The following ZSCAN22 variants were observed in gnomAD, a reference collection of about 807,000 sequenced individuals.
ZSCAN22 encodes the protein zinc finger and SCAN domain-containing protein 22.
Under a neutral mutation model 12.4 loss-of-function variants are expected in ZSCAN22, and 7 were observed. That is an observed-to-expected ratio of 0.57 (90% CI 0.32 to 1.06). The LOEUF is 1.06. Among genes scored for constraint, ZSCAN22 ranks in the 50% least tolerant of loss-of-function variants. The probability of loss-of-function intolerance (pLI) is 0.04; values close to 1 mark genes in which losing one functional copy is unlikely to be tolerated. For missense variants in ZSCAN22, 576 were observed against 631.7 expected, an observed-to-expected ratio of 0.91 and a Z score of 0.94; for synonymous variants, 243 against 255.9, an observed-to-expected ratio of 0.95 and a Z score of 0.48.
At chr19:58,336,179 T>TA (rs1051652724) in intron 2 of ZSCAN22, among the ~76,000 whole-genome samples, 4 of 152,136 alleles carry the variant, frequency 2.6e-5, no homozygotes, top group Non-Finnish European at 5.9e-5. Flanking sequence ...GGGATTGTAA[T>TA]AAAAACGCCC....
In ZSCAN22 at chr19:58,339,557, A is replaced by G; in HGVS notation, c.*231A>G. Reference sequence around the variant, plus strand: ...GGAGAAGCTTCCAGAAGGGCCCTGCACTGCTACCCTCTATTTCCCACTCAG... The same window carrying G: ...GGAGAAGCTTCCAGAAGGGCCCTGCGCTGCTACCCTCTATTTCCCACTCAG... On this transcript the variant is annotated 3_prime_UTR_variant, in exon 3 of 3. Coordinates refer to ENST00000329665, the MANE Select transcript of ZSCAN22 (RefSeq NM_181846.3). This position sits in a 1 kb window ranked among gnomAD's most constrained non-coding sequence, Gnocchi z 5.6. 1 of 515,948 alleles carries G rather than the reference A, an allele frequency of 1.9e-6. No individual in the cohort carries two copies. The highest frequency in any genetic ancestry group is 3.0e-5 in the East Asian group (1 of 32,822). The allele number at this position is 515,948 out of a possible 1,614,324, so 32.0% of individuals were successfully genotyped here.
chr19:58,334,976 G>A lies in ZSCAN22; in HGVS notation c.174G>A (p.Glu58=). 6.2e-7 allele frequency: 1 copy of A among 1,614,142 alleles called. No homozygotes were observed. The change falls in exon 2 of 3, where the codon GAG becomes GAA. Residue 58 remains glutamate, a synonymous_variant. Transcript: ENST00000329665. The part of the protein sequence containing the change: ...ARLRFRHFRY[E]EASGPHEALA... ...TGCGCTTCCGGCACTTCCGCTATGA[G>A]GAGGCATCTGGTCCACACGAGGCCC...
chr19:58,339,347 C>T lies in ZSCAN22; in HGVS notation c.*21C>T, dbSNP rs752915548. The T allele has an allele frequency of 2.6e-6, 4 of 1,555,160 alleles. No homozygotes were observed. In the South Asian group the frequency reaches 3.6e-5, roughly 14 times the overall value. ...AATGACCGGAAGTCGCCCCTGGGGG[C>T]GTAGCACAGCGTCTTCTCGGAGGCT... On this transcript the variant is annotated 3_prime_UTR_variant, in exon 3 of 3. Coordinates refer to ENST00000329665, the MANE Select transcript of ZSCAN22 (RefSeq NM_181846.3). The surrounding 1 kb of genome is among the most constrained non-coding windows in gnomAD (Gnocchi z 5.6).
chr19:58,341,115 T>G lies in ZSCAN22; in HGVS notation c.*1789T>G, dbSNP rs185196613. ...CTGCCCCACATTGTCCTTATGTATG[T>G]TTACATGGATGTCTCCCCAGCAGCT... On this transcript the variant is annotated 3_prime_UTR_variant, in exon 3 of 3. Transcript: ENST00000329665. 1 of 152,266 alleles carries G rather than the reference T, an allele frequency of 6.6e-6. No homozygotes were observed. The highest frequency in any genetic ancestry group is 6.5e-5 in the Admixed American group (1 of 15,288). The allele number at this position is 152,266 out of a possible 1,614,324, so 9.4% of individuals were successfully genotyped here.
intron 1 of ZSCAN22, 188 bp from the exon 2 acceptor site, chr19:58,334,564 C>A: frequency 2.2e-6 from 1 of 461,606 alleles, no homozygotes. Context: ...AATGAGTCTA[C>A]ATGCAAGCAG....
At chr19:58,336,366 G>C (rs1395501720) in intron 2 of ZSCAN22, among the ~76,000 whole-genome samples, 1 of 152,142 alleles carries the variant, frequency 6.6e-6, no homozygotes, top group Non-Finnish European at 1.5e-5. Flanking sequence ...CAGAGACAGG[G>C]AGAGGAAGGA....
At chr19:58,332,910 A>G (rs563265092) in intron 1 of ZSCAN22, among the ~76,000 whole-genome samples, 98 of 152,340 alleles carry the variant, frequency 6.4e-4, no homozygotes, top group African/African-American at 2.2e-3. Flanking sequence ...CCCATCTTAC[A>G]TTCCCAGCAG....
chr19:58,336,455 G>A (rs1187515803), intron 2 of ZSCAN22, among the ~76,000 whole-genome samples: 1 of 152,092 alleles, frequency 6.6e-6, no homozygotes, highest in Non-Finnish European at 1.5e-5. Flanking sequence ...TGGGGTCAAA[G>A]GCCTGGCAGT....
Position 58,338,855 on chromosome 19 carries a change from A to C in ZSCAN22, c.1005A>C (p.Arg335=). 6.2e-7 allele frequency: 1 copy of C among 1,612,852 alleles called. No homozygotes were observed. Among genetic ancestry groups the C allele is most frequent in the Non-Finnish European group, 8.5e-7 (1 of 1,179,594 alleles). ...AGGAATGTGGGAAGGCCTTCAGCCG[A>C]GTCACCCACCTGACTCAGCACCAAA... ...ECKECGKAFS[R]VTHLTQHQRI... is the part of the protein sequence containing the mutation. The change falls in exon 3 of 3, where the codon CGA becomes CGC. Residue 335 remains arginine (R), a synonymous_variant. Transcript: ENST00000329665. This position sits in a 1 kb window ranked among gnomAD's most constrained non-coding sequence, Gnocchi z 5.4.
rs771575521 is a variant in ZSCAN22, at chr19:58,335,106, C to G, written c.304C>G (p.Pro102Ala). The G allele has an allele frequency of 5.6e-6, 9 of 1,613,924 alleles. No individual in the cohort carries two copies. The highest frequency in any genetic ancestry group is 7.6e-6 in the Non-Finnish European group (9 of 1,180,028). Reference sequence around the variant, plus strand: ...GCTGGAGCAGTTCCTGGGTGCGCTGCCCCCAGAGATCCAAGCCTGGGTGGG... The same window carrying G: ...GCTGGAGCAGTTCCTGGGTGCGCTGGCCCCAGAGATCCAAGCCTGGGTGGG... ...LVLEQFLGAL[P>A]PEIQAWVGAQ... Residue 102 changes from proline (P) to alanine (A), a missense_variant, in exon 2 of 3, where the codon CCC (proline) becomes GCC (alanine). Pro to Ala is a conservative substitution (Grantham distance 27). Coordinates refer to ENST00000329665, the MANE Select transcript of ZSCAN22 (RefSeq NM_181846.3). The surrounding 1 kb of genome is among the most constrained non-coding windows in gnomAD (Gnocchi z 4.1).
chr19:58,332,126 C>T lies in ZSCAN22; in HGVS notation c.-51-2626C>T, dbSNP rs935395509. Among the ~76,000 whole-genome samples, 8 of 152,140 alleles carry T rather than the reference C, an allele frequency of 5.3e-5. No individual in the cohort carries two copies. In the South Asian group the frequency reaches 1.0e-3, roughly 20 times the overall value. On this transcript the variant is annotated intron_variant, in intron 1 of 2. Coordinates refer to ENST00000329665, the MANE Select transcript of ZSCAN22 (RefSeq NM_181846.3). ...GACCTCGTGATCTACTCGCCTCGGT[C>T]TCCCAGAGTGCTGGGATTACAGGCG...
chr19:58,338,513 T>C lies in ZSCAN22; in HGVS notation c.663T>C (p.Arg221=). The C allele has an allele frequency of 6.2e-7, 1 of 1,614,180 alleles. No individual in the cohort carries two copies. The change falls in exon 3 of 3, where the codon CGT becomes CGC. Residue 221 remains arginine (R), a synonymous_variant. Coordinates refer to ENST00000329665, the MANE Select transcript of ZSCAN22 (RefSeq NM_181846.3). The surrounding 1 kb of genome is among the most constrained non-coding windows in gnomAD (Gnocchi z 5.4). ...YKDVPTDQRG[R]ESGASRNSSS... ...ATGTCCCCACAGACCAGCGTGGCCG[T>C]GAATCTGGTGCCTCGAGGAACAGTT...
Position 58,338,457 on chromosome 19 carries a change from C to T in ZSCAN22, c.607C>T (p.His203Tyr), listed in dbSNP as rs774289349. 3.1e-6 allele frequency: 5 copies of T among 1,614,172 alleles called. No individual in the cohort carries two copies. The highest frequency in any genetic ancestry group is 3.3e-5 in the Admixed American group (2 of 60,016). ...IWTKSVTQQI[H>Y]FKKTSGPYKD... is the part of the protein sequence containing the mutation. ...GACAAAGTCTGTCACCCAACAGATC[C>T]ACTTCAAGAAAACTTCAGGGCCTTA... The change falls in exon 3 of 3, where the codon CAC becomes TAC. Residue 203 changes from histidine (H) to tyrosine (Y), a missense_variant. Physicochemically the swap from His to Tyr is moderately conservative, Grantham distance 83 (BLOSUM62 2). Transcript: ENST00000329665. The surrounding 1 kb of genome is among the most constrained non-coding windows in gnomAD (Gnocchi z 5.4).
Position 58,338,969 on chromosome 19 carries a change from G to A in ZSCAN22, c.1119G>A (p.Val373=), listed in dbSNP as rs1213553924. The A allele has an allele frequency of 1.3e-5, 21 of 1,613,528 alleles. No homozygotes were observed. Among genetic ancestry groups the A allele is most frequent in the Non-Finnish European group, 1.8e-5 (21 of 1,179,808 alleles). ...RSTHLTQHQR[V]HTGERPYECD... is the part of the protein sequence containing the mutation. ...CTCACCTCACCCAGCACCAGCGGGT[G>A]CACACGGGGGAGCGGCCCTACGAGT... is the stretch of plus-strand genomic sequence containing the variant. The change falls in exon 3 of 3, where the codon GTG becomes GTA. Residue 373 remains valine, a synonymous_variant. Transcript: ENST00000329665. The surrounding 1 kb of genome is among the most constrained non-coding windows in gnomAD (Gnocchi z 5.4).
At chr19:58,334,050 T>C (rs1055678985) in intron 1 of ZSCAN22, among the ~76,000 whole-genome samples, 4 of 152,152 alleles carry the variant, frequency 2.6e-5, no homozygotes, top group African/African-American at 9.7e-5. Context: ...TGTATCAATC[T>C]CAAACACTAC....
intron 1 of ZSCAN22, among the ~76,000 whole-genome samples, chr19:58,327,974 C>T (rs1237646940): frequency 1.3e-5 from 2 of 152,178 alleles, no homozygotes; most frequent in African/African-American, 4.8e-5. Context: ...CGTCAGCCTC[C>T]CGAGTAGCTG....
At position 58,334,983 on chromosome 19, in the gene ZSCAN22, T is replaced by A. The variant is rs766892162; in HGVS notation, c.181T>A (p.Ser61Thr). 6.2e-7 allele frequency: 1 copy of A among 1,614,136 alleles called. No individual in the cohort carries two copies. Among genetic ancestry groups the A allele is most frequent in the Non-Finnish European group, 8.5e-7 (1 of 1,180,038 alleles). Residue 61 changes from serine (S) to threonine (T), a missense_variant, in exon 2 of 3, where the codon TCT (serine) becomes ACT (threonine). Ser to Thr is a moderately conservative substitution (Grantham distance 58, BLOSUM62 1). Transcript: ENST00000329665. ...CCGGCACTTCCGCTATGAGGAGGCA[T>A]CTGGTCCACACGAGGCCCTGGCCCA... ...RFRHFRYEEA[S>T]GPHEALAHLR... is the part of the protein sequence containing the mutation.
In ZSCAN22 at chr19:58,329,484, C is replaced by T. The variant is rs16988659; in HGVS notation, c.-52+2370C>T. Among the ~76,000 whole-genome samples, 15,717 of 152,148 alleles carry T rather than the reference C, an allele frequency of 0.1. 1,299 individuals are homozygous for T. Among genetic ancestry groups the T allele is most frequent in the African/African-American group, 0.21 (8,916 of 41,484 alleles). Reference sequence around the variant, plus strand: ...GTAGTATGTGGCCAAAGCAAAGTGTCGAGGTCTCCTAGGAGAGGTTACACT... The same window carrying T: ...GTAGTATGTGGCCAAAGCAAAGTGTTGAGGTCTCCTAGGAGAGGTTACACT... On this transcript the variant is annotated intron_variant, in intron 1 of 2. Transcript: ENST00000329665. This position sits in a 1 kb window ranked among gnomAD's most constrained non-coding sequence, Gnocchi z 4.1.
chr19:58,330,914 C>A (rs1460657286), intron 1 of ZSCAN22, among the ~76,000 whole-genome samples: 1 of 152,202 alleles, frequency 6.6e-6, no homozygotes, highest in African/African-American at 2.4e-5. Context: ...GTGCTGGGCA[C>A]AGAGTAGGCA....
Sources: gnomAD v4.1 joint callset for allele counts (sites outside exome capture counted in the v4.1 genomes callset) on GRCh38, gnomAD v4.1.1 for gene constraint, Gnocchi (gnomAD v3.1) non-coding constraint, MANE v1.5 for transcripts, NCBI Gene and HGNC (gene_info 2026-07-23, HGNC 2026-07-21) for gene names.